The following NRXN1 variants were observed in gnomAD, a reference collection of about 807,000 sequenced individuals.
The protein encoded by NRXN1 is neurexin-1.
A neutral mutation model predicts 150.9 loss-of-function variants in NRXN1; 39 were observed. That is an observed-to-expected ratio of 0.26 (90% CI 0.20 to 0.34). NRXN1 has a LOEUF of 0.34. Ranked by LOEUF, NRXN1 falls within the 10% of genes least tolerant of loss-of-function variation. The pLI is 1.00. For synonymous variants in NRXN1, 924 were observed against 757.0 expected (o/e 1.22, Z -3.62); for missense variants, 1,815 against 1,949.9 (o/e 0.93, Z 1.30).
At chr2:50,074,565 T>C (rs190491656) in intron 19 of NRXN1, among the ~76,000 whole-genome samples, 65 of 152,290 alleles carry the variant, frequency 4.3e-4, no homozygotes, top group Non-Finnish European at 6.3e-4. Context: ...ATGGCTACTA[T>C]TGTTTTTATA....
intron 17 of NRXN1, among the ~76,000 whole-genome samples, chr2:50,299,790 T>C (rs1474078): frequency 0.51 from 78,015 of 152,096 alleles, 20,719 homozygotes; most frequent in Non-Finnish European, 0.57. Context: ...AATGGCTATG[T>C]TTTAAATAAA....
intron 21 of NRXN1, among the ~76,000 whole-genome samples, chr2:49,957,446 T>C (rs192369317): frequency 5.4e-4 from 83 of 152,318 alleles, no homozygotes; most frequent in Non-Finnish European, 8.5e-4. Context: ...AATTAAACTT[T>C]ATTCCTAGCA....
In NRXN1 at chr2:49,996,068, T is replaced by C. The variant is rs116621633; in HGVS notation, c.4129-52277A>G. Among the ~76,000 whole-genome samples, 1,271 of 152,024 alleles carry C rather than the reference T, an allele frequency of 8.4e-3. 5 individuals are homozygous for C. Among genetic ancestry groups the C allele is most frequent in the Non-Finnish European group, 0.013 (874 of 67,994 alleles). ...GGTGAGTATGATGTACAATGATAAATGAGACACAGAAAATGCCTTTGAGGA... is the reference window on the plus strand; with the variant it reads ...GGTGAGTATGATGTACAATGATAAACGAGACACAGAAAATGCCTTTGAGGA... On this transcript the variant is annotated intron_variant, in intron 21 of 22. Coordinates refer to ENST00000401669, the MANE Select transcript of NRXN1 (RefSeq NM_001330078.2).
At chr2:50,124,388 CTCTGAACATCA>C (rs1389717851) in intron 18 of NRXN1, among the ~76,000 whole-genome samples, 3 of 152,114 alleles carry the variant, frequency 2.0e-5, no homozygotes, top group African/African-American at 7.2e-5. Flanking sequence ...TTGTCTAGAA[CTCTGAACATCA>C]TTTTTCATAT....
At chr2:50,644,213 G>A (rs1240330991) in intron 5 of NRXN1, among the ~76,000 whole-genome samples, 1 of 151,336 alleles carries the variant, frequency 6.6e-6, no homozygotes, top group Non-Finnish European at 1.5e-5. Context: ...GTAATTATTT[G>A]AGAGAAAATC....
At chr2:50,504,817 G>C (rs973836167) in intron 13 of NRXN1, among the ~76,000 whole-genome samples, 6 of 152,134 alleles carry the variant, frequency 3.9e-5, no homozygotes, top group Non-Finnish European at 7.3e-5. Flanking sequence ...GGCCATTCTA[G>C]CACCATGCAC....
rs2104039913 is a variant in NRXN1 at position 50,608,799 on chromosome 2, A to C, written c.1320+11223T>G. On this transcript the variant is annotated intron_variant, in intron 8 of 22. Coordinates refer to ENST00000401669, the MANE Select transcript of NRXN1 (RefSeq NM_001330078.2). ...TGGTTTACAGGTAGTGAACACAGGC[A>C]GGGAAGACTAATTGCTTCTGAAAAA... is the stretch of plus-strand genomic sequence containing the variant. 2.0e-5 allele frequency among the ~76,000 whole-genome samples: 3 copies of C among 152,292 alleles called. No homozygotes were observed. In the South Asian group the frequency reaches 6.2e-4, roughly 32 times the overall value.
At chr2:50,790,353 T>A (rs1169680093) in intron 5 of NRXN1, among the ~76,000 whole-genome samples, 2 of 152,202 alleles carry the variant, frequency 1.3e-5, no homozygotes, top group African/African-American at 4.8e-5. Flanking sequence ...ATCTCTTATA[T>A]CACTTGAGTC....
At chr2:50,448,216 C>G (rs2086632105) in intron 17 of NRXN1, among the ~76,000 whole-genome samples, 1 of 152,100 alleles carries the variant, frequency 6.6e-6, no homozygotes, top group African/African-American at 2.4e-5. Flanking sequence ...CTGTTCTTTC[C>G]TCATTAGCTG....
intron 5 of NRXN1, among the ~76,000 whole-genome samples, chr2:50,736,541 G>A (rs571843616): frequency 5.9e-5 from 9 of 152,246 alleles, no homozygotes; most frequent in African/African-American, 2.2e-4. Context: ...CCTGGTGAGA[G>A]ATAATTGAAT....
At chr2:50,774,793 A>T (rs975927304) in intron 5 of NRXN1, among the ~76,000 whole-genome samples, 1 of 151,996 alleles carries the variant, frequency 6.6e-6, no homozygotes, top group Admixed American at 6.6e-5. Flanking sequence ...TCATCCATAA[A>T]TTTTTTCTTA....
intron 5 of NRXN1, among the ~76,000 whole-genome samples, chr2:50,753,989 C>A (rs1700907112): frequency 6.8e-6 from 1 of 146,130 alleles, no homozygotes; most frequent in Admixed American, 7.1e-5. Context: ...TTCCCAATGG[C>A]ATTAATGTAC....
At chr2:50,647,184 T>C (rs1200295834) in intron 5 of NRXN1, among the ~76,000 whole-genome samples, 1 of 151,842 alleles carries the variant, frequency 6.6e-6, no homozygotes. Flanking sequence ...GGAGAGTGTC[T>C]TGAAGAAGAA....
chr2:50,369,041 T>C (rs1416935896), intron 17 of NRXN1, among the ~76,000 whole-genome samples: 1 of 151,950 alleles, frequency 6.6e-6, no homozygotes, highest in African/African-American at 2.4e-5. Flanking sequence ...AACATCGACA[T>C]TGTGATACAT....
chr2:50,165,777 C>T (rs1326407189), intron 18 of NRXN1, among the ~76,000 whole-genome samples: 3 of 152,118 alleles, frequency 2.0e-5, no homozygotes, highest in Non-Finnish European at 4.4e-5. Context: ...GAAATGATGT[C>T]AAATGATTAC....
At chr2:50,563,516 T>A (rs1669419492) in intron 8 of NRXN1, among the ~76,000 whole-genome samples, 1 of 152,162 alleles carries the variant, frequency 6.6e-6, no homozygotes, top group African/African-American at 2.4e-5. Flanking sequence ...ATAGGAGTTA[T>A]CTGGTAAATG....
chr2:50,666,745 G>A (rs1688078137), intron 5 of NRXN1, among the ~76,000 whole-genome samples: 1 of 151,892 alleles, frequency 6.6e-6, no homozygotes, highest in Admixed American at 6.6e-5. Flanking sequence ...AATACCAATT[G>A]TAATTGTTAC....
chr2:50,151,257 C>T (rs2058679278), intron 18 of NRXN1, among the ~76,000 whole-genome samples: 1 of 151,668 alleles, frequency 6.6e-6, no homozygotes, highest in Admixed American at 6.6e-5. Flanking sequence ...TCCCCCTTTG[C>T]TTAAATACTT....
At chr2:49,993,486 T>C (rs1232330868) in intron 21 of NRXN1, among the ~76,000 whole-genome samples, 2 of 152,204 alleles carry the variant, frequency 1.3e-5, no homozygotes, top group Non-Finnish European at 2.9e-5. Flanking sequence ...AATAGATCCA[T>C]GCCATGATAT....
Sources: allele counts gnomAD v4.1 joint callset (sites outside exome capture counted in the v4.1 genomes callset), GRCh38; gene constraint gnomAD v4.1.1; transcripts MANE v1.5; gene names NCBI Gene and HGNC (gene_info 2026-07-23, HGNC 2026-07-21).